The following NALCN variants were observed in gnomAD, a reference collection of about 807,000 sequenced individuals.
NALCN encodes the protein sodium leak channel, non-selective, also known as sodium leak channel NALCN.
A neutral mutation model predicts 225.3 loss-of-function variants in NALCN; 111 were observed. That is an observed-to-expected ratio of 0.49 (90% CI 0.42 to 0.58). The LOEUF is 0.58. NALCN is among the 20% of genes least tolerant of loss of function. NALCN has a pLI of 0.00. For missense variants in NALCN, 1,378 were observed against 2,202.4 expected (o/e 0.63, Z 7.49); for synonymous variants, 764 against 769.0 (o/e 0.99, Z 0.11).
chr13:101,328,918 C>T (rs1037082567), intron 7 of NALCN, among the ~76,000 whole-genome samples: 6 of 152,266 alleles, frequency 3.9e-5, no homozygotes, highest in Middle Eastern at 3.4e-3. Context: ...TAGCTCTACC[C>T]CATGACAGGT....
intron 18 of NALCN, among the ~76,000 whole-genome samples, chr13:101,121,128 A>G (rs1337666071): frequency 6.6e-6 from 1 of 152,058 alleles, no homozygotes; most frequent in East Asian, 1.9e-4. Context: ...GAGGTGTTCA[A>G]TGTTACAGAG....
chr13:101,332,397 C>CAAAAA lies in NALCN; in HGVS notation c.799+12864_799+12868dup, dbSNP rs753158247. Among the ~76,000 whole-genome samples the CAAAAA allele has an allele frequency of 4.6e-3, 263 of 57,710 alleles. 1 individual carries two copies. The highest frequency in any genetic ancestry group is 5.5e-3 in the Non-Finnish European group (179 of 32,254). The allele number at this position is 57,710 out of a possible 152,430, so 37.9% of individuals were successfully genotyped here. A position where few individuals can be genotyped will look rare whatever the true frequency, so the allele number is the denominator to read the frequency against. Reference sequence around the variant, plus strand: ...TAAAAAAAACCCAAATTCACAAAGCCAAAAAAAAAAAAAAAAAAAAAAAGG... The same window carrying CAAAAA: ...TAAAAAAAACCCAAATTCACAAAGCCAAAAAAAAAAAAAAAAAAAAAAAAAAAAGG... On this transcript the variant is annotated intron_variant, in intron 7 of 43. Transcript: ENST00000251127.
intron 37 of NALCN, among the ~76,000 whole-genome samples, chr13:101,070,064 T>TTC (rs386380466): frequency 0.44 from 5,172 of 11,872 alleles, 778 homozygotes; most frequent in African/African-American, 0.56. Flanking sequence ...ATCATGAATG[T>TTC]TTTTTTTTTT....
intron 11 of NALCN, among the ~76,000 whole-genome samples, chr13:101,245,575 T>G (rs1395427913): frequency 6.6e-6 from 1 of 152,102 alleles, no homozygotes; most frequent in African/African-American, 2.4e-5. Context: ...ACCCCCCAAC[T>G]AAGAACATAT....
intron 33 of NALCN, 148 bp downstream of exon 33, chr13:101,082,661 C>T (rs1297103513): frequency 3.9e-6 from 3 of 763,372 alleles, no homozygotes; most frequent in African/African-American, 1.7e-5. Flanking sequence ...TCGAGTTAAG[C>T]AGAACCGCTT....
At chr13:101,369,453 C>G (rs185264103) in intron 6 of NALCN, among the ~76,000 whole-genome samples, 1 of 152,216 alleles carries the variant, frequency 6.6e-6, no homozygotes, top group African/African-American at 2.4e-5. Flanking sequence ...CTTACTGAAG[C>G]AACTCTAGGG....
intron 10 of NALCN, among the ~76,000 whole-genome samples, chr13:101,271,827 T>C (rs2042789422): frequency 6.6e-6 from 1 of 150,742 alleles, no homozygotes; most frequent in African/African-American, 2.4e-5. Flanking sequence ...GTGTCACCGT[T>C]TGTGAGTGTG....
At chr13:101,180,187 T>C (rs1427826360) in intron 14 of NALCN, among the ~76,000 whole-genome samples, 1 of 150,880 alleles carries the variant, frequency 6.6e-6, no homozygotes, top group Non-Finnish European at 1.5e-5. Flanking sequence ...TTTAATCCAC[T>C]ATACTCTCCA....
In NALCN at chr13:101,132,484, G is replaced by A. The variant is rs559512853; in HGVS notation, c.2119-7803C>T. ...TCATTGAATGAAGAATTTTATAGATGCCCATTGCACATTTAAAAATGTACA... is the reference window on the plus strand; with the variant it reads ...TCATTGAATGAAGAATTTTATAGATACCCATTGCACATTTAAAAATGTACA... On this transcript the variant is annotated intron_variant, in intron 17 of 43. Coordinates refer to ENST00000251127, the MANE Select transcript of NALCN (RefSeq NM_052867.4). Among the ~76,000 whole-genome samples the A allele has an allele frequency of 2.0e-5, 3 of 152,122 alleles. No homozygotes were observed. The South Asian group carries it at 6.2e-4, about 32-fold the overall frequency.
At chr13:101,090,096 ACACACACGTGTGCGTG>A in intron 28 of NALCN, 130 bp from the exon 29 acceptor site, 1 of 1,324,906 alleles carries the variant, frequency 7.5e-7, no homozygotes, top group Admixed American at 2.1e-5. Context: ...ACATATATAC[ACACACACGTGTGCGTG>A]CACACACACA....
intron 6 of NALCN, among the ~76,000 whole-genome samples, chr13:101,359,350 A>C (rs2046156840): frequency 6.6e-6 from 1 of 152,228 alleles, no homozygotes; most frequent in Non-Finnish European, 1.5e-5. Flanking sequence ...ACTTAAAATC[A>C]ACATTACAAA....
chr13:101,399,075 A>C lies in NALCN; in HGVS notation c.52T>G (p.Phe18Val). Residue 18 changes from phenylalanine to valine, a missense_variant, in exon 2 of 44, where the codon TTT (phenylalanine) becomes GTT (valine). Phe to Val is a conservative substitution (Grantham distance 50, BLOSUM62 -1). Transcript: ENST00000251127. ...TCCGACAGAGACTCATCAGGACCAAAGTCAGTGACTGGCTGGGCTTCCACC... is the reference window on the plus strand; with the variant it reads ...TCCGACAGAGACTCATCAGGACCAACGTCAGTGACTGGCTGGGCTTCCACC... ...SRVEAQPVTD[F>V]GPDESLSDNA... 1 of 1,613,678 alleles carries C rather than the reference A, an allele frequency of 6.2e-7. No homozygotes were observed. The highest frequency in any genetic ancestry group is 8.5e-7 in the Non-Finnish European group (1 of 1,179,684).
intron 17 of NALCN, among the ~76,000 whole-genome samples, chr13:101,138,164 C>T (rs547880042): frequency 2.6e-5 from 4 of 152,318 alleles, no homozygotes; most frequent in Admixed American, 1.3e-4. Flanking sequence ...TGCATTTCCT[C>T]CCATTGGACT....
At chr13:101,368,939 G>C in intron 6 of NALCN, 1 of 267,744 alleles carries the variant, frequency 3.7e-6, no homozygotes, top group Non-Finnish European at 7.6e-6. Flanking sequence ...CTGGGAGATG[G>C]ATGTTTCAGT....
chr13:101,358,722 TCTA>T (rs2046136084), intron 6 of NALCN, among the ~76,000 whole-genome samples: 1 of 152,148 alleles, frequency 6.6e-6, no homozygotes, highest in Admixed American at 6.6e-5. Context: ...TAGACATCAT[TCTA>T]CTATAAAGAT....
intron 11 of NALCN, among the ~76,000 whole-genome samples, chr13:101,252,112 T>C (rs1408921406): frequency 1.3e-5 from 2 of 152,194 alleles, no homozygotes; most frequent in Non-Finnish European, 2.9e-5. Context: ...CACTCAAGAT[T>C]ACACCAGATA....
chr13:101,357,839 T>C (rs1566612221), intron 6 of NALCN, among the ~76,000 whole-genome samples: 1 of 152,084 alleles, frequency 6.6e-6, no homozygotes, highest in Admixed American at 6.6e-5. Context: ...AAAACAGCCA[T>C]ATAGACCAAT....
At chr13:101,269,992 G>A (rs1555326740) in intron 10 of NALCN, among the ~76,000 whole-genome samples, 3 of 152,146 alleles carry the variant, frequency 2.0e-5, no homozygotes, top group Non-Finnish European at 4.4e-5. Context: ...ATGTTCCCTG[G>A]TGTCTAGAAA....
chr13:101,105,230 C>T (rs187293201), intron 22 of NALCN, among the ~76,000 whole-genome samples: 105 of 152,296 alleles, frequency 6.9e-4, no homozygotes, highest in African/African-American at 2.4e-3. Context: ...AATTTTCTGA[C>T]ATGGGTAGTA....
Sources: allele counts gnomAD v4.1 joint callset (sites outside exome capture counted in the v4.1 genomes callset), GRCh38; gene constraint gnomAD v4.1.1; transcripts MANE v1.5; gene names NCBI Gene and HGNC (gene_info 2026-07-23, HGNC 2026-07-21).